The following DCC variants were observed in gnomAD, a reference collection of about 807,000 sequenced individuals.
DCC encodes the protein netrin receptor DCC.
Under a neutral mutation model 172.5 loss-of-function variants are expected in DCC, and 58 were observed. That is an observed-to-expected ratio of 0.34 (90% CI 0.27 to 0.42). The LOEUF (loss-of-function observed/expected upper bound fraction) is 0.42, where lower values mean the gene tolerates loss of function less well. DCC is among the 10% of genes least tolerant of loss of function. The pLI is 1.00. For missense variants in DCC, 1,740 were observed against 1,791.0 expected (o/e 0.97, Z 0.51); for synonymous variants, 709 against 644.5 (o/e 1.10, Z -1.52).
chr18:52,776,882 G>T (rs952487320), intron 2 of DCC, among the ~76,000 whole-genome samples: 2 of 152,044 alleles, frequency 1.3e-5, no homozygotes, highest in Non-Finnish European at 2.9e-5. Context: ...ATGCACAAGG[G>T]CTCAGAAAGT....
chr18:53,079,205 A>C (rs1285596473), intron 7 of DCC, among the ~76,000 whole-genome samples: 1 of 152,124 alleles, frequency 6.6e-6, no homozygotes, highest in African/African-American at 2.4e-5. Flanking sequence ...AAAAGAATGG[A>C]GAAGAGAATT....
intron 7 of DCC, among the ~76,000 whole-genome samples, chr18:53,093,575 T>C (rs2043043778): frequency 2.6e-5 from 4 of 152,202 alleles, no homozygotes; most frequent in Admixed American, 1.3e-4. Flanking sequence ...AAATCCCATC[T>C]ATCTGACCTT....
chr18:52,387,121 A>G (rs897151661), intron 1 of DCC, among the ~76,000 whole-genome samples: 1 of 152,178 alleles, frequency 6.6e-6, no homozygotes, highest in African/African-American at 2.4e-5. Flanking sequence ...TTCAATTGAA[A>G]TAGACACATA....
intron 27 of DCC, among the ~76,000 whole-genome samples, chr18:53,517,448 T>TAATAAA (rs954500291): frequency 7.1e-6 from 1 of 140,716 alleles, no homozygotes; most frequent in Non-Finnish European, 1.5e-5. Context: ...TAAAATATAA[T>TAATAAA]AATAATAATA....
intron 1 of DCC, among the ~76,000 whole-genome samples, chr18:52,585,309 C>T (rs1218075027): frequency 6.6e-6 from 1 of 152,144 alleles, no homozygotes; most frequent in Non-Finnish European, 1.5e-5. Flanking sequence ...CACTACATAG[C>T]CAGACAGAAA....
At chr18:52,894,589 A>C (rs955694818) in intron 2 of DCC, among the ~76,000 whole-genome samples, 4 of 151,940 alleles carry the variant, frequency 2.6e-5, no homozygotes, top group African/African-American at 9.7e-5. Flanking sequence ...ATGGTTCTGG[A>C]GGCTTAGAAG....
chr18:52,387,327 G>A (rs1985839482), intron 1 of DCC, among the ~76,000 whole-genome samples: 1 of 152,102 alleles, frequency 6.6e-6, no homozygotes, highest in Admixed American at 6.5e-5. Context: ...GGATCTTGTG[G>A]GAAGGGAGAA....
At chr18:52,773,266 G>T (rs535383271) in intron 2 of DCC, among the ~76,000 whole-genome samples, 1 of 152,228 alleles carries the variant, frequency 6.6e-6, no homozygotes, top group African/African-American at 2.4e-5. Context: ...ACTCTTAATG[G>T]TGAAGATTTT....
At chr18:53,090,433 C>T (rs1207899018) in intron 7 of DCC, among the ~76,000 whole-genome samples, 1 of 151,860 alleles carries the variant, frequency 6.6e-6, no homozygotes, top group African/African-American at 2.4e-5. Flanking sequence ...GTGGCTCACG[C>T]CTGTAATTCC....
intron 2 of DCC, among the ~76,000 whole-genome samples, chr18:52,802,809 G>A (rs560080858): frequency 1.2e-3 from 175 of 151,150 alleles, no homozygotes; most frequent in Non-Finnish European, 1.0e-3. Flanking sequence ...GCCCAGCCCT[G>A]AAAATCTTAA....
chr18:53,325,897 G>T (rs1272275379), intron 14 of DCC, among the ~76,000 whole-genome samples: 1 of 152,162 alleles, frequency 6.6e-6, no homozygotes, highest in Non-Finnish European at 1.5e-5. Flanking sequence ...AAAACACGTA[G>T]AACTTGAACT....
chr18:53,229,557 A>G (rs1202472581), intron 12 of DCC, among the ~76,000 whole-genome samples: 1 of 152,072 alleles, frequency 6.6e-6, no homozygotes, highest in Non-Finnish European at 1.5e-5. Flanking sequence ...CTCTGTTTTC[A>G]GTGACATTAT....
intron 2 of DCC, among the ~76,000 whole-genome samples, chr18:52,800,290 A>AAT (rs111868733): frequency 0.043 from 6,564 of 152,294 alleles, 222 homozygotes; most frequent in South Asian, 0.16. Flanking sequence ...CAATGTTTTA[A>AAT]ATGAGTCATT....
At chr18:53,428,316 TATA>T (rs1163431420) in intron 21 of DCC, among the ~76,000 whole-genome samples, 18 of 16,808 alleles carry the variant, frequency 1.1e-3, no homozygotes, top group South Asian at 3.8e-3. Flanking sequence ...GAATATAATA[TATA>T]ATATAATATA....
chr18:52,634,663 G>A (rs1277440652), intron 1 of DCC, among the ~76,000 whole-genome samples: 4 of 152,142 alleles, frequency 2.6e-5, no homozygotes, highest in African/African-American at 9.7e-5. Flanking sequence ...AGATTTTACT[G>A]ATTGGTTTTA....
intron 1 of DCC, among the ~76,000 whole-genome samples, chr18:52,362,943 G>T (rs1010776253): frequency 6.6e-6 from 1 of 151,878 alleles, no homozygotes; most frequent in African/African-American, 2.4e-5. Context: ...CTGTCACCTG[G>T]GCTGGAGTGC....
intron 1 of DCC, among the ~76,000 whole-genome samples, chr18:52,748,827 GA>G (rs1174105629): frequency 5.7e-4 from 87 of 152,346 alleles, no homozygotes; most frequent in Non-Finnish European, 2.9e-5. Context: ...GCTGAGTCTG[GA>G]GTTTTTATAG....
At chr18:52,990,552 A>C (rs868127605) in intron 5 of DCC, among the ~76,000 whole-genome samples, 1,782 of 104,984 alleles carry the variant, frequency 0.017, 83 homozygotes, top group African/African-American at 0.074. Flanking sequence ...AAAAAAAAAA[A>C]AAAAAAAAAA....
intron 2 of DCC, among the ~76,000 whole-genome samples, chr18:52,901,523 T>C (rs1486513764): frequency 3.3e-5 from 5 of 152,178 alleles, no homozygotes; most frequent in Non-Finnish European, 5.9e-5. Context: ...AAAGTGGAGA[T>C]AATAATACTT....
Sources: gnomAD v4.1 joint callset for allele counts (sites outside exome capture counted in the v4.1 genomes callset) on GRCh38, gnomAD v4.1.1 for gene constraint, MANE v1.5 for transcripts, NCBI Gene and HGNC (gene_info 2026-07-23, HGNC 2026-07-21) for gene names.